Variants in CDH18 observed in about 807,000 individuals in gnomAD.
CDH18 encodes the protein cadherin-18.
CDH18 carries 31 observed loss-of-function variants against 67.9 expected under a neutral mutation model. That is an observed-to-expected ratio of 0.46 (90% CI 0.34 to 0.62). The LOEUF is 0.62. CDH18 is among the 20% of genes least tolerant of loss of function. The probability of loss-of-function intolerance (pLI) is 0.01; values close to 1 mark genes in which losing one functional copy is unlikely to be tolerated. For synonymous variants in CDH18, 362 were observed against 347.2 expected (o/e 1.04, Z -0.48); for missense variants, 890 against 975.5 (o/e 0.91, Z 1.17).
At chr5:19,712,958 C>A (rs1381178345) in intron 5 of CDH18, among the ~76,000 whole-genome samples, 1 of 151,716 alleles carries the variant, frequency 6.6e-6, no homozygotes, top group South Asian at 2.1e-4. Flanking sequence ...AATTATATAA[C>A]ATGAATTATG....
intron 4 of CDH18, among the ~76,000 whole-genome samples, chr5:19,725,842 T>C (rs1766774036): frequency 1.3e-5 from 2 of 152,294 alleles, no homozygotes; most frequent in South Asian, 4.1e-4. Context: ...ACATAGAGAT[T>C]ACTGGGATTC....
At chr5:20,028,256 T>G (rs1739090769) in intron 2 of CDH18, among the ~76,000 whole-genome samples, 1 of 152,278 alleles carries the variant, frequency 6.6e-6, no homozygotes, top group African/African-American at 2.4e-5. Context: ...GGAAAACAGT[T>G]CTTTCTCCTA....
At chr5:20,035,729 CACA>C (rs1339250685) in intron 2 of CDH18, among the ~76,000 whole-genome samples, 1 of 151,870 alleles carries the variant, frequency 6.6e-6, no homozygotes, top group Non-Finnish European at 1.5e-5. Flanking sequence ...TGGGTAGGGA[CACA>C]ACAAAACCAT....
intron 2 of CDH18, among the ~76,000 whole-genome samples, chr5:20,149,623 CAG>C (rs1215630996): frequency 3.9e-5 from 6 of 152,158 alleles, no homozygotes; most frequent in Admixed American, 2.6e-4. Context: ...AAAATCCCCT[CAG>C]ATAGCCTTGA....
chr5:20,466,519 T>TA (rs1388530406), intron 1 of CDH18, among the ~76,000 whole-genome samples: 1 of 152,122 alleles, frequency 6.6e-6, no homozygotes, highest in African/African-American at 2.4e-5. Context: ...TACATAGTTT[T>TA]AAATAAATAC....
At chr5:19,852,563 G>GACTTA (rs1783827872) in intron 2 of CDH18, among the ~76,000 whole-genome samples, 1 of 151,954 alleles carries the variant, frequency 6.6e-6, no homozygotes, top group African/African-American at 2.4e-5. Flanking sequence ...GGTTTCTAAA[G>GACTTA]TTCAATAGCT....
intron 2 of CDH18, among the ~76,000 whole-genome samples, chr5:20,003,121 C>G (rs73050988): frequency 6.6e-6 from 1 of 151,986 alleles, no homozygotes. Context: ...TCAGCTGGAA[C>G]AAGTATACAT....
chr5:19,525,111 T>G (rs976205220), intron 9 of CDH18, among the ~76,000 whole-genome samples: 9 of 152,234 alleles, frequency 5.9e-5, no homozygotes, highest in Admixed American at 5.9e-4. Flanking sequence ...AAACTGTGTT[T>G]TCTATGAAAG....
intron 2 of CDH18, among the ~76,000 whole-genome samples, chr5:20,219,870 A>C (rs1202064649): frequency 6.6e-6 from 1 of 151,970 alleles, no homozygotes; most frequent in African/African-American, 2.4e-5. Flanking sequence ...AGCTAGTATC[A>C]TAAGGAGTAG....
intron 1 of CDH18, among the ~76,000 whole-genome samples, chr5:20,307,346 G>A (rs1365537163): frequency 6.6e-6 from 1 of 152,094 alleles, no homozygotes; most frequent in Admixed American, 6.5e-5. Flanking sequence ...CAGAGTAGAT[G>A]TGGGGAGACA....
chr5:20,376,477 T>C (rs1314041034), intron 1 of CDH18, among the ~76,000 whole-genome samples: 1 of 151,738 alleles, frequency 6.6e-6, no homozygotes, highest in South Asian at 2.1e-4. Flanking sequence ...TTGCTTTCAA[T>C]TGAATGATGT....
At chr5:19,800,833 T>A (rs1402968608) in intron 3 of CDH18, among the ~76,000 whole-genome samples, 2 of 152,186 alleles carry the variant, frequency 1.3e-5, no homozygotes, top group Non-Finnish European at 2.9e-5. Context: ...ATTTTATTTT[T>A]CCATGACAGG....
chr5:19,952,707 G>T (rs1170897746), intron 2 of CDH18, among the ~76,000 whole-genome samples: 3 of 151,946 alleles, frequency 2.0e-5, no homozygotes, highest in African/African-American at 4.8e-5. Flanking sequence ...ACATAGAACT[G>T]GCCACTATAT....
chr5:20,524,071 G>A (rs1220758646), intron 1 of CDH18, among the ~76,000 whole-genome samples: 1 of 152,108 alleles, frequency 6.6e-6, no homozygotes, highest in African/African-American at 2.4e-5. Context: ...TATGAAATGA[G>A]CTCTTTTCTA....
At chr5:19,948,509 C>T (rs138925534) in intron 2 of CDH18, among the ~76,000 whole-genome samples, 334 of 152,136 alleles carry the variant, frequency 2.2e-3, no homozygotes, top group African/African-American at 7.4e-3. Context: ...AGATGAAATA[C>T]ATAGGAGCGG....
At chr5:19,868,260 A>G (rs1383488339) in intron 2 of CDH18, among the ~76,000 whole-genome samples, 1 of 152,132 alleles carries the variant, frequency 6.6e-6, no homozygotes, top group Non-Finnish European at 1.5e-5. Context: ...TCCCTCTCCC[A>G]ATTTCACCAC....
intron 1 of CDH18, among the ~76,000 whole-genome samples, chr5:20,402,487 C>G (rs549788802): frequency 6.6e-6 from 1 of 152,252 alleles, no homozygotes; most frequent in African/African-American, 2.4e-5. Context: ...AGAGATATCA[C>G]AGATTCGGTT....
At chr5:19,899,831 A>C (rs1325323855) in intron 2 of CDH18, among the ~76,000 whole-genome samples, 1 of 152,178 alleles carries the variant, frequency 6.6e-6, no homozygotes, top group Non-Finnish European at 1.5e-5. Context: ...AAAATAAGCC[A>C]GTCACAAAAG....
At chr5:19,574,809 G>C (rs1335109109) in intron 7 of CDH18, among the ~76,000 whole-genome samples, 1 of 151,878 alleles carries the variant, frequency 6.6e-6, no homozygotes, top group African/African-American at 2.4e-5. Context: ...TTGGGAGGCC[G>C]AGGTGGGCGG....
Sources: gnomAD v4.1 joint callset for allele counts (sites outside exome capture counted in the v4.1 genomes callset) on GRCh38, gnomAD v4.1.1 for gene constraint, MANE v1.5 for transcripts, NCBI Gene and HGNC (gene_info 2026-07-23, HGNC 2026-07-21) for gene names.